OSBPL9: variants seen among roughly 807,000 people sequenced by gnomAD.
OSBPL9 encodes the protein oxysterol-binding protein-related protein 9.
OSBPL9 carries 40 observed loss-of-function variants against 106.6 expected under a neutral mutation model. The observed-to-expected ratio is 0.38, with a 90% confidence interval of 0.29 to 0.49. The LOEUF (loss-of-function observed/expected upper bound fraction) is 0.49. Among genes scored for constraint, OSBPL9 ranks in the 20% least tolerant of loss-of-function variants. The pLI is 0.97. For synonymous variants in OSBPL9, 269 were observed against 295.4 expected, an observed-to-expected ratio of 0.91 and a Z score of 0.92; for missense variants, 609 against 887.2, an observed-to-expected ratio of 0.69 and a Z score of 3.98.
chr1:51,730,804 A>G (rs1664205812), intron 4 of OSBPL9, among the ~76,000 whole-genome samples: 1 of 152,214 alleles, frequency 6.6e-6, no homozygotes, highest in African/African-American at 2.4e-5. Flanking sequence ...TTTTAGCTGT[A>G]TTAAGGAAGT....
At chr1:51,780,934 C>T (rs910812899) in intron 15 of OSBPL9, among the ~76,000 whole-genome samples, 1 of 151,924 alleles carries the variant, frequency 6.6e-6, no homozygotes, top group Non-Finnish European at 1.5e-5. Flanking sequence ...AAACACACCA[C>T]CTGTTCCCCA....
chr1:51,628,753 G>A (rs562323943), intron 1 of OSBPL9, among the ~76,000 whole-genome samples: 1 of 141,880 alleles, frequency 7.0e-6, no homozygotes, highest in East Asian at 2.1e-4. Context: ...GCGTGATCTC[G>A]GCCCACTGCA....
rs757130466 is a variant in OSBPL9, at chr1:51,787,742, G to A, written c.2164G>A (p.Val722Ile). ...ATTTCATGAAGATGGAGAATGCTGG[G>A]TTTATGATGAACCATTACTGAAACG... ...RLFHEDGECW[V>I]YDEPLLKRLG... is the part of the protein sequence containing the mutation. Residue 722 changes from valine to isoleucine, a missense_variant, in exon 24 of 24, where the codon GTT becomes ATT. Val to Ile is a conservative substitution (Grantham distance 29). Around this residue, in one of 5 missense-constraint regions of OSBPL9, gnomAD observed 132 missense variants for 158.1 expected, o/e 0.83. Transcript: ENST00000428468. 3 of 1,613,592 alleles carry A rather than the reference G, an allele frequency of 1.9e-6. No individual in the cohort carries two copies. Among genetic ancestry groups the A allele is most frequent in the African/African-American group, 2.7e-5 (2 of 74,904 alleles).
chr1:51,712,019 G>C (rs1660117758), intron 3 of OSBPL9, among the ~76,000 whole-genome samples: 1 of 152,098 alleles, frequency 6.6e-6, no homozygotes, highest in Admixed American at 6.5e-5. Flanking sequence ...GTGGTGGCCG[G>C]GCAGAGGCTG....
intron 4 of OSBPL9, among the ~76,000 whole-genome samples, chr1:51,720,951 C>T (rs570684939): frequency 1.4e-4 from 21 of 152,026 alleles, no homozygotes; most frequent in Admixed American, 1.2e-3. Context: ...GCACGCACCA[C>T]CACACCTGGC....
intron 9 of OSBPL9, among the ~76,000 whole-genome samples, chr1:51,758,181 C>A (rs961952442): frequency 6.6e-6 from 1 of 152,016 alleles, no homozygotes; most frequent in Admixed American, 6.6e-5. Flanking sequence ...AAAATTACAA[C>A]AAATTTAATC....
chr1:51,678,576 G>A (rs1417793864), intron 3 of OSBPL9, among the ~76,000 whole-genome samples: 4 of 152,088 alleles, frequency 2.6e-5, no homozygotes, highest in East Asian at 3.9e-4. Context: ...CGGGAGAATC[G>A]TTTGAACCTG....
At chr1:51,559,605 C>T in the OSBPL9 span, among the ~76,000 whole-genome samples, 23,736 of 152,036 alleles carry the variant, frequency 0.16, 3,584 homozygotes, top group African/African-American at 0.39. Flanking sequence ...GTTTGAGAAG[C>T]ACTCCTCTGG....
At chr1:51,579,142 T>TTTA (rs1645204617) in intron 1 of OSBPL9, among the ~76,000 whole-genome samples, 56 of 151,842 alleles carry the variant, frequency 3.7e-4, no homozygotes, top group Non-Finnish European at 4.4e-5. Context: ...TGCAGCCTCT[T>TTTA]CAGCAGAATC....
chr1:51,737,545 GGTGTGTGTGTGTGTGTGTGTGTGTGT>G (rs57886494), intron 4 of OSBPL9, among the ~76,000 whole-genome samples: 1 of 142,436 alleles, frequency 7.0e-6, no homozygotes, highest in Non-Finnish European at 1.5e-5. Context: ...ATATTTCAGG[GGTGTGTGTGTGTGTGTGTGTGTGTGT>G]GTGTGTGTGT....
chr1:51,740,056 T>C (rs1666556138), intron 4 of OSBPL9: 10 of 1,510,984 alleles, frequency 6.6e-6, no homozygotes, highest in Non-Finnish European at 8.9e-6. Flanking sequence ...TACAGATTTT[T>C]CTCTTACTAT....
chr1:51,760,026 T>C (rs1474700624), intron 9 of OSBPL9: 1 of 152,254 alleles, frequency 6.6e-6, no homozygotes, highest in African/African-American at 2.4e-5. Context: ...TTGTCATGAT[T>C]TCCTAAACAA....
chr1:51,558,985 A>G, the OSBPL9 span, among the ~76,000 whole-genome samples: 4 of 152,186 alleles, frequency 2.6e-5, no homozygotes, highest in Admixed American at 6.5e-5. Flanking sequence ...AAAACAAACA[A>G]CAACAACTAA....
intron 12 of OSBPL9, among the ~76,000 whole-genome samples, chr1:51,770,368 C>G (rs998557248): frequency 2.0e-5 from 3 of 152,124 alleles, no homozygotes; most frequent in Non-Finnish European, 2.9e-5. Flanking sequence ...GTCTTGAACT[C>G]CTCACCTCAA....
chr1:51,707,826 T>C (rs1182779365), intron 3 of OSBPL9: 1 of 180,424 alleles, frequency 5.5e-6, no homozygotes, highest in Admixed American at 5.7e-5. Flanking sequence ...AGTCCCAGCC[T>C]TCTCCATGGT....
chr1:51,765,571 TA>T (rs1181857129), intron 11 of OSBPL9: 16 of 260,376 alleles, frequency 6.1e-5, no homozygotes, highest in Non-Finnish European at 7.2e-6. Flanking sequence ...GTATTAATGA[TA>T]ATCTTTAATT....
intron 1 of OSBPL9, among the ~76,000 whole-genome samples, chr1:51,617,440 T>G (rs1644121343): frequency 6.6e-6 from 1 of 152,160 alleles, no homozygotes; most frequent in African/African-American, 2.4e-5. Context: ...CTGTCTGATT[T>G]ATGGGTTGGG....
chr1:51,675,806 C>G (rs1651049169), intron 3 of OSBPL9, among the ~76,000 whole-genome samples: 1 of 152,072 alleles, frequency 6.6e-6, no homozygotes, highest in Non-Finnish European at 1.5e-5. Flanking sequence ...AAAATTTTAT[C>G]TGTTTAATGA....
rs571610741 is a variant in OSBPL9, at chr1:51,749,595, A to T, written c.493-550A>T. The T allele has an allele frequency of 5.4e-5, 19 of 354,504 alleles. No individual in the cohort carries two copies. In the East Asian group the frequency reaches 1.4e-3, roughly 25 times the overall value. 22.0% of individuals were successfully genotyped at this position (354,504 alleles called of 1,614,324 possible). ...CAAAGCAGTGGGATTACAGGTGTGA[A>T]TCACCATACCCAGCCTATCAGTGTC... On this transcript the variant is annotated intron_variant, in intron 7 of 23. Coordinates refer to ENST00000428468, the MANE Select transcript of OSBPL9 (RefSeq NM_024586.6).
Sources: gnomAD v4.1 joint callset for allele counts (sites outside exome capture counted in the v4.1 genomes callset) on GRCh38, gnomAD v4.1.1 for gene constraint, gnomAD v4.1.1 regional missense constraint, MANE v1.5 for transcripts, NCBI Gene and HGNC (gene_info 2026-07-23, HGNC 2026-07-21) for gene names.